The following CBFA2T3 variants were observed in gnomAD, a reference collection of about 807,000 sequenced individuals.
CBFA2T3 encodes the protein transcriptional corepressor CBFA2T3.
In CBFA2T3, 31 loss-of-function variants were observed where a neutral mutation model predicts 58.6. The observed-to-expected ratio is 0.53, with a 90% CI of 0.40 to 0.71. CBFA2T3 has a LOEUF of 0.71. Among genes scored for constraint, CBFA2T3 ranks in the 30% least tolerant of loss-of-function variants. CBFA2T3 has a pLI of 0.00. For missense variants in CBFA2T3, 1,076 were observed against 963.1 expected (o/e 1.12, Z -1.55); for synonymous variants, 531 against 421.9 (o/e 1.26, Z -3.17).
At chr16:88,957,967 T>G (rs189299125) in intron 1 of CBFA2T3, among the ~76,000 whole-genome samples, 18 of 152,324 alleles carry the variant, frequency 1.2e-4, no homozygotes, top group African/African-American at 3.8e-4. Context: ...ACTTGTGTAC[T>G]TGAGATGGGT....
In CBFA2T3 at chr16:88,898,642, C is replaced by T. The variant is rs377557109; in HGVS notation, c.305-490G>A. Among the ~76,000 whole-genome samples, 9 of 152,360 alleles carry T rather than the reference C, an allele frequency of 5.9e-5. No homozygotes were observed. The South Asian group carries it at 1.4e-3, about 25-fold the overall frequency. On this transcript the variant is annotated intron_variant, in intron 2 of 11. Transcript: ENST00000268679. ...CATCCTCAGGGACCTGGGCCGAAGC[C>T]GCGTGTCCTAAAAGCGACCTGAGAC...
chr16:88,971,431 T>C (rs985495924), intron 1 of CBFA2T3, among the ~76,000 whole-genome samples: 21 of 152,286 alleles, frequency 1.4e-4, no homozygotes, highest in Middle Eastern at 3.4e-3. Flanking sequence ...AATGACATGG[T>C]GACCCAGCCA....
chr16:88,960,830 T>A (rs1411568815), intron 1 of CBFA2T3, among the ~76,000 whole-genome samples: 1 of 152,246 alleles, frequency 6.6e-6, no homozygotes, highest in Non-Finnish European at 1.5e-5. Context: ...TCCTATTGGC[T>A]ACAGGGATCA....
intron 3 of CBFA2T3, among the ~76,000 whole-genome samples, chr16:88,896,098 C>A (rs565746287): frequency 6.6e-6 from 1 of 152,188 alleles, no homozygotes; most frequent in Admixed American, 6.5e-5. Context: ...TTTTATGGGT[C>A]GGGTGTTGTG....
chr16:88,974,254 G>A (rs1029831030), intron 1 of CBFA2T3, among the ~76,000 whole-genome samples: 1 of 152,224 alleles, frequency 6.6e-6, no homozygotes, highest in Middle Eastern at 3.4e-3. Flanking sequence ...GCACAGCTCC[G>A]AGCACACACA....
intron 1 of CBFA2T3, among the ~76,000 whole-genome samples, chr16:88,929,760 A>C (rs1331958781): frequency 1.3e-5 from 2 of 151,608 alleles, no homozygotes; most frequent in Non-Finnish European, 2.9e-5. Context: ...CAATACCCAC[A>C]GCTGCATGGT....
intron 1 of CBFA2T3, among the ~76,000 whole-genome samples, chr16:88,960,376 C>G (rs937321658): frequency 4.6e-5 from 7 of 152,172 alleles, no homozygotes; most frequent in Non-Finnish European, 7.3e-5. Flanking sequence ...TTGAAGATAG[C>G]AGAGAAGATG....
intron 1 of CBFA2T3, chr16:88,937,862 G>A (rs1298444890): frequency 6.6e-6 from 1 of 152,272 alleles, no homozygotes; most frequent in African/African-American, 2.4e-5. Flanking sequence ...AAATTGTAGA[G>A]TTTAGGTCCT....
intron 3 of CBFA2T3, among the ~76,000 whole-genome samples, chr16:88,896,338 G>A (rs541198513): frequency 1.3e-5 from 2 of 152,286 alleles, no homozygotes; most frequent in South Asian, 2.1e-4. Flanking sequence ...GCCTGTCTGC[G>A]CCCCTGGCTT....
intron 11 of CBFA2T3, among the ~76,000 whole-genome samples, chr16:88,877,996 C>T (rs1427853980): frequency 6.6e-6 from 1 of 152,244 alleles, no homozygotes; most frequent in Non-Finnish European, 1.5e-5. Context: ...CCACCTCGCC[C>T]TCACTGCCAC....
In CBFA2T3 at chr16:88,952,366, A is replaced by C. The variant is rs1055674402; in HGVS notation, c.151+24291T>G. On this transcript the variant is annotated intron_variant, in intron 1 of 11. Coordinates refer to ENST00000268679, the MANE Select transcript of CBFA2T3 (RefSeq NM_005187.6). ...ACGGCTTTCAGCAAGACAAATGCCC[A>C]GGCCACAGGGTGAGGGAGCTGCCGC... Among the ~76,000 whole-genome samples, 3 of 149,954 alleles carry C rather than the reference A, an allele frequency of 2.0e-5. No individual in the cohort carries two copies. In the South Asian group the frequency reaches 6.5e-4, roughly 32 times the overall value.
At chr16:88,886,217 C>T (rs1969367175) in intron 5 of CBFA2T3, 75 bp from the exon 6 acceptor site, 3 of 1,176,666 alleles carry the variant, frequency 2.5e-6, no homozygotes, top group Non-Finnish European at 3.4e-6. Flanking sequence ...CAGAGGGGGC[C>T]TGGGCTGGGT....
chr16:88,956,201 A>G (rs1397706814), intron 1 of CBFA2T3, among the ~76,000 whole-genome samples: 1 of 152,276 alleles, frequency 6.6e-6, no homozygotes, highest in Non-Finnish European at 1.5e-5. Context: ...GGCCATGTAG[A>G]GCCTCCAGAC....
chr16:88,922,715 G>C (rs970120885), intron 1 of CBFA2T3, among the ~76,000 whole-genome samples: 2 of 152,202 alleles, frequency 1.3e-5, no homozygotes, highest in African/African-American at 4.8e-5. Flanking sequence ...TGCAGCCGTC[G>C]GAGGGTGGTG....
intron 3 of CBFA2T3, among the ~76,000 whole-genome samples, chr16:88,893,190 A>G (rs1969720195): frequency 8.7e-6 from 1 of 115,528 alleles, no homozygotes; most frequent in African/African-American, 3.6e-5. Context: ...ATGTCCCCAC[A>G]ACAGGTGCCT....
At chr16:88,925,339 C>G (rs996500704) in intron 1 of CBFA2T3, among the ~76,000 whole-genome samples, 24 of 152,338 alleles carry the variant, frequency 1.6e-4, no homozygotes, top group Admixed American at 3.3e-4. Context: ...CTGAGCGGTG[C>G]CTTCCGGGTA....
chr16:88,941,887 G>T (rs996161502), intron 1 of CBFA2T3: 15 of 148,826 alleles, frequency 1.0e-4, no homozygotes, highest in South Asian at 2.1e-4. Flanking sequence ...TGGGGAGTTG[G>T]GGGGGAGGTC....
chr16:88,906,477 A>AATAAGTC (rs1970338459), intron 1 of CBFA2T3, among the ~76,000 whole-genome samples: 1 of 139,874 alleles, frequency 7.1e-6, no homozygotes, highest in Middle Eastern at 3.8e-3. Context: ...CACGGAGGTG[A>AATAAGTC]ATAAGTCATC....
intron 3 of CBFA2T3, 85 bp downstream of exon 3, chr16:88,897,993 C>G: frequency 1.0e-6 from 1 of 990,984 alleles, no homozygotes; most frequent in East Asian, 2.4e-5. Context: ...GAGCTGAGCG[C>G]CCCCAGGGCA....
Sources: gnomAD v4.1 joint callset for allele counts (sites outside exome capture counted in the v4.1 genomes callset) on GRCh38, gnomAD v4.1.1 for gene constraint, MANE v1.5 for transcripts, NCBI Gene and HGNC (gene_info 2026-07-23, HGNC 2026-07-21) for gene names.